SLCO6A1: variants seen among roughly 807,000 people sequenced by gnomAD.
SLCO6A1 encodes the protein cancer/testis antigen 48.
A neutral mutation model predicts 72.7 loss-of-function variants in SLCO6A1; 65 were observed. That is an observed-to-expected ratio of 0.89 (90% CI 0.73 to 1.10). The LOEUF is 1.10. Among genes scored for constraint, SLCO6A1 ranks in the 50% least tolerant of loss-of-function variants. The pLI is 0.00. For synonymous variants in SLCO6A1, 314 were observed against 298.2 expected, an observed-to-expected ratio of 1.05 and a Z score of -0.55; for missense variants, 874 against 872.6, an observed-to-expected ratio of 1.00 and a Z score of -0.02.
chr5:102,377,097 G>A (rs1034296267), intron 12 of SLCO6A1, among the ~76,000 whole-genome samples: 20 of 152,092 alleles, frequency 1.3e-4, no homozygotes, highest in African/African-American at 4.3e-4. Context: ...ACATGAGTTC[G>A]AGGTTACAAT....
At chr5:102,468,981 G>C (rs2112793162) in intron 4 of SLCO6A1, among the ~76,000 whole-genome samples, 1 of 152,152 alleles carries the variant, frequency 6.6e-6, no homozygotes, top group Non-Finnish European at 1.5e-5. Context: ...GATGTGTAGT[G>C]TTATTTCTGA....
At chr5:102,468,814 T>C (rs1013441897) in intron 4 of SLCO6A1, among the ~76,000 whole-genome samples, 3 of 152,198 alleles carry the variant, frequency 2.0e-5, no homozygotes, top group East Asian at 3.8e-4. Flanking sequence ...AAGTCTTTAA[T>C]CCATCTTGAG....
At chr5:102,470,934 AT>A (rs1315006323) in intron 4 of SLCO6A1, among the ~76,000 whole-genome samples, 2 of 151,820 alleles carry the variant, frequency 1.3e-5, no homozygotes, top group Non-Finnish European at 2.9e-5. Context: ...GGTTTTCTCG[AT>A]TGTTTTTTGT....
rs544631866 is a variant in SLCO6A1 at position 102,448,514 on chromosome 5, A to C, written c.1132-9753T>G. Among the ~76,000 whole-genome samples the C allele has an allele frequency of 2.6e-5, 4 of 152,266 alleles. No homozygotes were observed. In the South Asian group the frequency reaches 8.3e-4, roughly 32 times the overall value. ...ATTGTGTAGTTATCTAAGTCTCTTC[A>C]TAAGTCTCTAAGAACTTGTTTTATG... is the stretch of plus-strand genomic sequence containing the variant. On this transcript the variant is annotated intron_variant, in intron 6 of 13. Transcript: ENST00000506729.
At chr5:102,483,573 T>A (rs1191298960) in intron 1 of SLCO6A1, among the ~76,000 whole-genome samples, 1 of 152,212 alleles carries the variant, frequency 6.6e-6, no homozygotes, top group Admixed American at 6.5e-5. Flanking sequence ...TATTTTCTCA[T>A]AGGATAGATT....
chr5:102,397,073 T>G lies in SLCO6A1; in HGVS notation c.1814+2482A>C, dbSNP rs78573545. Among the ~76,000 whole-genome samples the G allele has an allele frequency of 8.4e-3, 1,285 of 152,290 alleles. 20 individuals are homozygous for G. Among genetic ancestry groups the G allele is most frequent in the African/African-American group, 0.029 (1,221 of 41,564 alleles). On this transcript the variant is annotated intron_variant, in intron 10 of 13. Transcript: ENST00000506729. The stretch of plus-strand genomic sequence containing the variant: ...CAGAGAGGATCTAGTTCTTTTCTTC[T>G]GTTCTGTGGCCATGATTGTTTCATT...
In SLCO6A1 at chr5:102,496,157, T is replaced by C. The variant is rs908311656; in HGVS notation, c.358+2330A>G. ...TTTGGGAAGTTGCACACTGGAGTAGTTAGCAGTAGTGGTGCACCATGTCTG... is the reference window on the plus strand; with the variant it reads ...TTTGGGAAGTTGCACACTGGAGTAGCTAGCAGTAGTGGTGCACCATGTCTG... On this transcript the variant is annotated intron_variant, in intron 1 of 13. Transcript: ENST00000506729. Among the ~76,000 whole-genome samples, 4 of 152,178 alleles carry C rather than the reference T, an allele frequency of 2.6e-5. No homozygotes were observed. In the East Asian group the frequency reaches 7.7e-4, roughly 29 times the overall value.
intron 6 of SLCO6A1, among the ~76,000 whole-genome samples, chr5:102,448,365 G>A (rs1053073553): frequency 2.0e-5 from 3 of 152,178 alleles, no homozygotes; most frequent in South Asian, 4.1e-4. Context: ...TAGATGGAGT[G>A]TTCCATAGAT....
chr5:102,449,139 T>C (rs1363731680), intron 6 of SLCO6A1, among the ~76,000 whole-genome samples: 2 of 152,210 alleles, frequency 1.3e-5, no homozygotes, highest in African/African-American at 4.8e-5. Flanking sequence ...TTTGGTTGGA[T>C]ATGAAATTCT....
intron 6 of SLCO6A1, among the ~76,000 whole-genome samples, chr5:102,457,459 C>T (rs1442244480): frequency 6.6e-6 from 1 of 151,862 alleles, no homozygotes; most frequent in East Asian, 1.9e-4. Flanking sequence ...ACAGACACTT[C>T]TCAAAAAAAG....
At chr5:102,428,074 G>T (rs1171846262) in intron 7 of SLCO6A1, among the ~76,000 whole-genome samples, 5 of 151,144 alleles carry the variant, frequency 3.3e-5, no homozygotes, top group Non-Finnish European at 5.9e-5. Flanking sequence ...GTTTCACCTT[G>T]TTGGCCAAGC....
chr5:102,453,211 T>C (rs1054575023), intron 6 of SLCO6A1, among the ~76,000 whole-genome samples: 9 of 151,950 alleles, frequency 5.9e-5, no homozygotes, highest in Admixed American at 1.3e-4. Flanking sequence ...ATTTAAAAAT[T>C]AGCTGGGTAT....
At chr5:102,455,017 T>TAA (rs1750627917) in intron 6 of SLCO6A1, among the ~76,000 whole-genome samples, 1 of 101,318 alleles carries the variant, frequency 9.9e-6, no homozygotes, top group African/African-American at 3.3e-5. Context: ...AATATATATA[T>TAA]ATATATATAT....
Position 102,440,113 on chromosome 5 carries a change from G to A in SLCO6A1, c.1132-1352C>T, listed in dbSNP as rs143928193. Among the ~76,000 whole-genome samples, 43 of 152,282 alleles carry A rather than the reference G, an allele frequency of 2.8e-4. No individual in the cohort carries two copies. In the East Asian group the frequency reaches 7.9e-3, roughly 28 times the overall value. The stretch of plus-strand genomic sequence containing the variant: ...TGTTGTAAAAAAGCCCAAGAGAGAT[G>A]CAGAGGATATGTATGGGTATTCTAG... On this transcript the variant is annotated intron_variant, in intron 6 of 13. Transcript: ENST00000506729.
chr5:102,373,570 A>G, intron 12 of SLCO6A1, 76 bp from the exon 13 acceptor site: 1 of 1,049,352 alleles, frequency 9.5e-7, no homozygotes, highest in East Asian at 3.0e-5. Flanking sequence ...GCTATTTACC[A>G]AAGAAAGGTA....
At chr5:102,411,620 C>T (rs1444744411) in intron 9 of SLCO6A1, among the ~76,000 whole-genome samples, 5 of 151,532 alleles carry the variant, frequency 3.3e-5, no homozygotes, top group Admixed American at 3.3e-4. Flanking sequence ...AAATCTTGCC[C>T]AAACTCCTAT....
chr5:102,480,047 G>T, intron 2 of SLCO6A1, 130 bp downstream of exon 2: 1 of 846,670 alleles, frequency 1.2e-6, no homozygotes, highest in Non-Finnish European at 1.8e-6. Flanking sequence ...AGCAAACTTG[G>T]TCATATAAAT....
chr5:102,406,832 G>A (rs551948635), intron 9 of SLCO6A1, among the ~76,000 whole-genome samples: 2 of 152,264 alleles, frequency 1.3e-5, no homozygotes, highest in Non-Finnish European at 2.9e-5. Context: ...AGACACTGCG[G>A]AATAGAGGCT....
At chr5:102,396,254 A>C (rs952856696) in intron 10 of SLCO6A1, among the ~76,000 whole-genome samples, 6 of 152,036 alleles carry the variant, frequency 3.9e-5, no homozygotes, top group Admixed American at 1.3e-4. Context: ...TCAGCTTTCT[A>C]CATATGGCTA....
Sources: gnomAD v4.1 joint callset for allele counts (sites outside exome capture counted in the v4.1 genomes callset) on GRCh38, gnomAD v4.1.1 for gene constraint, MANE v1.5 for transcripts, NCBI Gene and HGNC (gene_info 2026-07-23, HGNC 2026-07-21) for gene names.